Variants in KCNU1 observed in about 807,000 individuals in gnomAD.
KCNU1 encodes potassium channel subfamily U member 1.
KCNU1 carries 93 observed loss-of-function variants against 126.8 expected under a neutral mutation model. The ratio of observed to expected loss-of-function variants is 0.73; its 90% CI spans 0.62 to 0.87. The LOEUF is 0.87. Ranked by LOEUF, KCNU1 falls within the 40% of genes least tolerant of loss-of-function variation. KCNU1 has a pLI of 0.00. For synonymous variants in KCNU1, 523 were observed against 494.2 expected, an observed-to-expected ratio of 1.06 and a Z score of -0.77; for missense variants, 1,330 against 1,367.1, an observed-to-expected ratio of 0.97 and a Z score of 0.43.
chr8:36,894,751 T>A (rs748103044), intron 19 of KCNU1, among the ~76,000 whole-genome samples: 50 of 152,118 alleles, frequency 3.3e-4, no homozygotes, highest in Non-Finnish European at 5.6e-4. Context: ...TAATTCAGTA[T>A]AATCTGAAGC....
In KCNU1 at chr8:36,826,247, T is replaced by C. The variant is rs1351215452; in HGVS notation, c.1107-7307T>C. ...TTTTTTGAGACAGGGTCTTGCTCTG[T>C]CACCCAGGCTGGAGCGCAGTGGCCT... On this transcript the variant is annotated intron_variant, in intron 10 of 26. Transcript: ENST00000399881. Among the ~76,000 whole-genome samples, 4 of 151,990 alleles carry C rather than the reference T, an allele frequency of 2.6e-5. No individual in the cohort carries two copies. In the East Asian group the frequency reaches 7.7e-4, roughly 29 times the overall value.
At chr8:36,857,311 A>G (rs1293779150) in intron 18 of KCNU1, among the ~76,000 whole-genome samples, 1 of 152,172 alleles carries the variant, frequency 6.6e-6, no homozygotes, top group South Asian at 2.1e-4. Context: ...GACAGTCTCT[A>G]TCCTCTAGGC....
At chr8:36,810,250 C>CAAA (rs5890885) in intron 7 of KCNU1, among the ~76,000 whole-genome samples, 3 of 139,474 alleles carry the variant, frequency 2.2e-5, no homozygotes, top group Admixed American at 7.1e-5. Context: ...GACTCCATCT[C>CAAA]AAAAAAAAAA....
intron 3 of KCNU1, among the ~76,000 whole-genome samples, chr8:36,804,475 C>T (rs996957720): frequency 6.6e-6 from 1 of 152,154 alleles, no homozygotes; most frequent in Non-Finnish European, 1.5e-5. Flanking sequence ...CAGGGTTTCT[C>T]ATAGGTTTCA....
At chr8:36,805,356 T>C in intron 4 of KCNU1, 71 bp downstream of exon 4, 1 of 927,700 alleles carries the variant, frequency 1.1e-6, no homozygotes. Flanking sequence ...ACTAACTGTG[T>C]CTCAGTCCTA....
At chr8:36,816,244 C>T (rs547291288) in intron 9 of KCNU1, among the ~76,000 whole-genome samples, 64 of 152,112 alleles carry the variant, frequency 4.2e-4, no homozygotes, top group Admixed American at 9.2e-4. Flanking sequence ...TTGCCACAGC[C>T]ATGTGTTCCC....
intron 18 of KCNU1, among the ~76,000 whole-genome samples, chr8:36,847,449 C>T (rs974859654): frequency 6.6e-5 from 10 of 152,134 alleles, no homozygotes; most frequent in African/African-American, 1.2e-4. Context: ...AATTATTCCT[C>T]CTGTCCAGCT....
intron 2 of KCNU1, among the ~76,000 whole-genome samples, chr8:36,798,632 C>T (rs1269808378): frequency 6.6e-6 from 1 of 152,128 alleles, no homozygotes; most frequent in Non-Finnish European, 1.5e-5. Context: ...CAGTCTTTTA[C>T]CTTAACCTGA....
At chr8:36,876,423 G>C (rs558897575) in intron 19 of KCNU1, among the ~76,000 whole-genome samples, 1 of 152,284 alleles carries the variant, frequency 6.6e-6, no homozygotes, top group South Asian at 2.1e-4. Context: ...AGGGAATCAG[G>C]AATAAGATCA....
intron 19 of KCNU1, among the ~76,000 whole-genome samples, chr8:36,869,905 A>G (rs1384492866): frequency 6.6e-6 from 1 of 152,136 alleles, no homozygotes; most frequent in African/African-American, 2.4e-5. Flanking sequence ...TACAGAGTTC[A>G]AGACCTCGCA....
intron 22 of KCNU1, among the ~76,000 whole-genome samples, chr8:36,912,707 C>T (rs529061384): frequency 6.0e-4 from 91 of 152,190 alleles, no homozygotes; most frequent in African/African-American, 2.1e-3. Context: ...CGCGGTGGCT[C>T]ACGCCTGTAA....
At chr8:36,850,366 A>T (rs1298247120) in intron 18 of KCNU1, among the ~76,000 whole-genome samples, 1 of 152,044 alleles carries the variant, frequency 6.6e-6, no homozygotes, top group African/African-American at 2.4e-5. Context: ...GCAATATCTA[A>T]GAAGGTTTTG....
chr8:36,788,927 G>A (rs1802805739), intron 2 of KCNU1, among the ~76,000 whole-genome samples: 1 of 152,118 alleles, frequency 6.6e-6, no homozygotes, highest in Non-Finnish European at 1.5e-5. Context: ...GAAGTGGGTG[G>A]GAAAGGAATG....
At chr8:36,833,471 G>A in intron 10 of KCNU1, 83 bp from the exon 11 acceptor site, 1 of 750,054 alleles carries the variant, frequency 1.3e-6, no homozygotes, top group South Asian at 1.5e-5. Flanking sequence ...TCTACTAAAT[G>A]CACCAAATTA....
At chr8:36,900,670 A>G (rs1165392544) in intron 19 of KCNU1, among the ~76,000 whole-genome samples, 1 of 152,210 alleles carries the variant, frequency 6.6e-6, no homozygotes, top group East Asian at 1.9e-4. Context: ...CTATTTATAA[A>G]GTCATTGGAG....
intron 23 of KCNU1, among the ~76,000 whole-genome samples, chr8:36,921,651 G>A (rs1808350702): frequency 9.5e-6 from 1 of 104,892 alleles, no homozygotes; most frequent in African/African-American, 3.9e-5. Context: ...CCTGGGCGAT[G>A]AAGTGAGGAA....
intron 18 of KCNU1, among the ~76,000 whole-genome samples, chr8:36,856,613 C>T (rs1805537027): frequency 6.6e-6 from 1 of 152,126 alleles, no homozygotes; most frequent in South Asian, 2.1e-4. Context: ...GGTCTCTTTC[C>T]CTGATCTCTA....
At chr8:36,847,484 C>G (rs1805192798) in intron 18 of KCNU1, among the ~76,000 whole-genome samples, 1 of 152,128 alleles carries the variant, frequency 6.6e-6, no homozygotes, top group African/African-American at 2.4e-5. Flanking sequence ...TTTAACCAAT[C>G]TCTCTGCATC....
intron 26 of KCNU1, among the ~76,000 whole-genome samples, chr8:36,933,805 T>C (rs904911771): frequency 6.6e-6 from 1 of 151,946 alleles, no homozygotes. Context: ...AAAGAAGAGA[T>C]GCCAAGGCAG....
Sources: allele counts gnomAD v4.1 joint callset (sites outside exome capture counted in the v4.1 genomes callset), GRCh38; gene constraint gnomAD v4.1.1; transcripts MANE v1.5; gene names NCBI Gene and HGNC (gene_info 2026-07-23, HGNC 2026-07-21).